ARHGAP35: variants seen among roughly 807,000 people sequenced by gnomAD.
The protein encoded by ARHGAP35 is rho GTPase-activating protein 35.
A neutral mutation model predicts 111.1 loss-of-function variants in ARHGAP35; 15 were observed. The ratio of observed to expected loss-of-function variants is 0.13; its 90% confidence interval spans 0.09 to 0.21. The LOEUF is 0.21. Among genes scored for constraint, ARHGAP35 ranks in the 10% least tolerant of loss-of-function variants. The pLI is 1.00. For missense variants in ARHGAP35, 1,262 were observed against 1,873.0 expected, an observed-to-expected ratio of 0.67 and a Z score of 6.02; for synonymous variants, 643 against 710.3, an observed-to-expected ratio of 0.91 and a Z score of 1.51.
intron 1 of ARHGAP35, among the ~76,000 whole-genome samples, chr19:46,895,308 C>G (rs1041204141): frequency 6.6e-6 from 1 of 151,868 alleles, no homozygotes; most frequent in Non-Finnish European, 1.5e-5. Context: ...GGACTACAGG[C>G]GCTCACCACC....
chr19:46,971,159 G>A (rs922043810), intron 3 of ARHGAP35, among the ~76,000 whole-genome samples: 1 of 152,148 alleles, frequency 6.6e-6, no homozygotes, highest in African/African-American at 2.4e-5. Flanking sequence ...TATAATGCCA[G>A]CACTTTGGGA....
intron 3 of ARHGAP35, among the ~76,000 whole-genome samples, chr19:46,950,993 C>T (rs1395061140): frequency 1.3e-5 from 2 of 152,216 alleles, no homozygotes; most frequent in South Asian, 4.1e-4. Context: ...GAGGCTCTTA[C>T]CCCAGTCCCT....
intron 3 of ARHGAP35, among the ~76,000 whole-genome samples, chr19:46,964,757 T>C (rs1372184282): frequency 6.6e-6 from 1 of 152,072 alleles, no homozygotes; most frequent in Non-Finnish European, 1.5e-5. Flanking sequence ...TCTACCAGGG[T>C]AATAAGGTCA....
In ARHGAP35 at chr19:47,000,988, A is replaced by G. The variant is rs773130493; in HGVS notation, c.*300A>G. On this transcript the variant is annotated 3_prime_UTR_variant, in exon 7 of 7. Transcript: ENST00000672722. The surrounding 1 kb of genome is among the most constrained non-coding windows in gnomAD (Gnocchi z 6.9). ...ACCACCACCCCACGTAGCTGCTCAC[A>G]CCAGCCTCCGGGTGCCTCCCTCTGC... The G allele has an allele frequency of 8.7e-5, 129 of 1,486,128 alleles. No homozygotes were observed. Among genetic ancestry groups the G allele is most frequent in the Non-Finnish European group, 1.1e-4 (122 of 1,114,622 alleles). 92.1% of individuals were successfully genotyped at this position (1,486,128 alleles called of 1,614,324 possible).
At position 46,987,162 on chromosome 19, in the gene ARHGAP35, T is replaced by C. The variant is rs114605620; in HGVS notation, c.3827-827T>C. 4.4e-3 allele frequency among the ~76,000 whole-genome samples: 658 copies of C among 150,432 alleles called. 5 individuals carry two copies. Among genetic ancestry groups the C allele is most frequent in the African/African-American group, 0.015 (617 of 40,978 alleles). The stretch of plus-strand genomic sequence containing the variant: ...AGCCACCACACCCTGCGCAAGTTAA[T>C]TTTCTAACAGTAAAAACTTGGAAAA... On this transcript the variant is annotated intron_variant, in intron 3 of 6. Coordinates refer to ENST00000672722, the MANE Select transcript of ARHGAP35 (RefSeq NM_004491.5).
chr19:46,987,205 TTTTC>T (rs2056655188), intron 3 of ARHGAP35, among the ~76,000 whole-genome samples: 2 of 149,196 alleles, frequency 1.3e-5, no homozygotes, highest in Non-Finnish European at 3.0e-5. Context: ...TCACTTTTTT[TTTTC>T]TTTTTTTTCT....
intron 1 of ARHGAP35, among the ~76,000 whole-genome samples, chr19:46,889,351 C>A (rs2056012525): frequency 6.6e-6 from 1 of 151,856 alleles, no homozygotes; most frequent in Non-Finnish European, 1.5e-5. Flanking sequence ...CCCAGCTACT[C>A]AGGAGGCTGA....
At chr19:46,954,708 T>G (rs1385460237) in intron 3 of ARHGAP35, among the ~76,000 whole-genome samples, 1 of 152,234 alleles carries the variant, frequency 6.6e-6, no homozygotes, top group Non-Finnish European at 1.5e-5. Context: ...CTCCCAACAG[T>G]TTTTAAAAAA....
chr19:46,888,318 A>T (rs1304019503), intron 1 of ARHGAP35, among the ~76,000 whole-genome samples: 1 of 58,476 alleles, frequency 1.7e-5, no homozygotes, highest in Admixed American at 2.2e-4. Flanking sequence ...ATATATATAT[A>T]AAATATTGAT....
intron 1 of ARHGAP35, among the ~76,000 whole-genome samples, chr19:46,910,010 G>T (rs1193460534): frequency 6.6e-6 from 1 of 152,140 alleles, no homozygotes; most frequent in African/African-American, 2.4e-5. Context: ...TATTCAAATG[G>T]AGTTTTCGTT....
chr19:46,921,856 C>G lies in ARHGAP35; in HGVS notation c.3181C>G (p.Gln1061Glu), dbSNP rs774291346. ...AAAGGGGGATCTATCTTATTTAGAC[C>G]AAGGCCATAGGGATGGACAGAGGAA... ...ITKGDLSYLD[Q>E]GHRDGQRKSV... The change falls in exon 2 of 7, where the codon CAA becomes GAA. Residue 1061 changes from glutamine (Q) to glutamate (E), a missense_variant. Physicochemically the swap from Gln to Glu is conservative, Grantham distance 29. Transcript: ENST00000672722. The surrounding 1 kb of genome is among the most constrained non-coding windows in gnomAD (Gnocchi z 4.3). The G allele has an allele frequency of 1.2e-6, 2 of 1,613,962 alleles. No homozygotes were observed. Among genetic ancestry groups the G allele is most frequent in the South Asian group, 1.1e-5 (1 of 91,080 alleles).
At chr19:46,886,834 C>A (rs1287463388) in intron 1 of ARHGAP35, among the ~76,000 whole-genome samples, 1 of 152,126 alleles carries the variant, frequency 6.6e-6, no homozygotes, top group Non-Finnish European at 1.5e-5. Flanking sequence ...CTTCCCAAAT[C>A]CCAGATGATT....
At chr19:46,962,008 G>A (rs2056485908) in intron 3 of ARHGAP35, among the ~76,000 whole-genome samples, 1 of 152,030 alleles carries the variant, frequency 6.6e-6, no homozygotes, top group African/African-American at 2.4e-5. Flanking sequence ...GGAAGGAAAG[G>A]ATTGGGATAG....
chr19:46,987,191 T>C (rs1039608227), intron 3 of ARHGAP35, among the ~76,000 whole-genome samples: 4 of 150,508 alleles, frequency 2.7e-5, no homozygotes, highest in Admixed American at 6.6e-5. Flanking sequence ...TGGAAAACCC[T>C]GTATCACTTT....
Position 47,004,161 on chromosome 19 carries a change from TG to T in ARHGAP35, c.*3474del, listed in dbSNP as rs1400909473. On this transcript the variant is annotated 3_prime_UTR_variant, in exon 7 of 7. Transcript: ENST00000672722. ...GGGCAGCGCAGGGATCCGGGGAAGC[TG>T]CGGCAGGGAGCGGGCGCCGGCTTCG... The T allele has an allele frequency of 6.6e-6, 1 of 151,644 alleles. No homozygotes were observed. 9.4% of individuals were successfully genotyped at this position (151,644 alleles called of 1,614,324 possible).
intron 1 of ARHGAP35, among the ~76,000 whole-genome samples, chr19:46,904,515 C>T (rs2056096091): frequency 6.6e-6 from 1 of 152,198 alleles, no homozygotes; most frequent in Non-Finnish European, 1.5e-5. Context: ...AAGCATCTGG[C>T]TCCCAGGCGC....
chr19:46,973,420 G>GCCTGTAATC (rs537247111), intron 3 of ARHGAP35, among the ~76,000 whole-genome samples: 16 of 152,264 alleles, frequency 1.1e-4, no homozygotes, highest in Admixed American at 3.9e-4. Context: ...AGTGGCTCAC[G>GCCTGTAATC]CCTGTAATCC....
chr19:46,883,753 A>G (rs565632443), intron 1 of ARHGAP35, among the ~76,000 whole-genome samples: 1 of 152,260 alleles, frequency 6.6e-6, no homozygotes, highest in African/African-American at 2.4e-5. Context: ...AGTAAAAGGA[A>G]TGGCAATAAA....
intron 1 of ARHGAP35, among the ~76,000 whole-genome samples, chr19:46,916,452 T>C (rs1008790965): frequency 6.6e-6 from 1 of 151,902 alleles, no homozygotes; most frequent in South Asian, 2.1e-4. Flanking sequence ...ACAGAAAGGC[T>C]TTCCCGAATC....
Sources: gnomAD v4.1 joint callset for allele counts (sites outside exome capture counted in the v4.1 genomes callset) on GRCh38, gnomAD v4.1.1 for gene constraint, Gnocchi (gnomAD v3.1) non-coding constraint, MANE v1.5 for transcripts, NCBI Gene and HGNC (gene_info 2026-07-23, HGNC 2026-07-21) for gene names.